The following NEMP2 variants were observed in gnomAD, a reference collection of about 807,000 sequenced individuals.
NEMP2 encodes the protein UPF0571 transmembrane protein.
NEMP2 carries 53 observed loss-of-function variants against 54.2 expected under a neutral mutation model. That is an observed-to-expected ratio of 0.98 (90% CI 0.78 to 1.23). The LOEUF (loss-of-function observed/expected upper bound fraction) is 1.23. NEMP2 is among the 50% of genes most tolerant of loss of function. NEMP2 has a pLI of 0.00. For synonymous variants in NEMP2, 197 were observed against 190.3 expected (o/e 1.04, Z -0.29); for missense variants, 455 against 511.3 (o/e 0.89, Z 1.06).
At chr2:190,592,318 G>A in the NEMP2 span, among the ~76,000 whole-genome samples, 10 of 152,240 alleles carry the variant, frequency 6.6e-5, no homozygotes, top group African/African-American at 2.4e-4. This position sits in a 1 kb window ranked among gnomAD's most constrained non-coding sequence, Gnocchi z 4.4. Context: ...ATGTATAGTA[G>A]TTCCATAAAT....
the NEMP2 span, among the ~76,000 whole-genome samples, chr2:190,596,860 T>G: frequency 2.0e-5 from 3 of 152,178 alleles, no homozygotes; most frequent in Non-Finnish European, 2.9e-5. This position sits in a 1 kb window ranked among gnomAD's most constrained non-coding sequence, Gnocchi z 5.1. Flanking sequence ...CATTTATACA[T>G]CCCAACATAC....
the NEMP2 span, chr2:190,443,059 G>T: frequency 1.3e-5 from 2 of 152,100 alleles, no homozygotes. This position sits in a 1 kb window ranked among gnomAD's most constrained non-coding sequence, Gnocchi z 4.2. Flanking sequence ...TGTCATTATG[G>T]TATTACCGTA....
chr2:190,639,089 A>G, the NEMP2 span, among the ~76,000 whole-genome samples: 2 of 152,190 alleles, frequency 1.3e-5, no homozygotes, highest in Non-Finnish European at 2.9e-5. Context: ...ATTAATAAGG[A>G]AAAGAGACTA....
At chr2:190,621,776 G>C in the NEMP2 span, among the ~76,000 whole-genome samples, 8 of 152,174 alleles carry the variant, frequency 5.3e-5, no homozygotes, top group African/African-American at 1.9e-4. Context: ...AAGGGAACCT[G>C]TCAAGACAAT....
chr2:190,479,326 A>G, the NEMP2 span, among the ~76,000 whole-genome samples: 1 of 152,218 alleles, frequency 6.6e-6, no homozygotes, highest in East Asian at 1.9e-4. Flanking sequence ...GCAACTGGTA[A>G]TACCATATAA....
chr2:190,452,926 A>G, the NEMP2 span, among the ~76,000 whole-genome samples: 1 of 152,224 alleles, frequency 6.6e-6, no homozygotes, highest in African/African-American at 2.4e-5. Flanking sequence ...TTTAGGAAGA[A>G]TTAATTCACA....
chr2:190,582,750 T>C, the NEMP2 span, among the ~76,000 whole-genome samples: 2 of 152,180 alleles, frequency 1.3e-5, no homozygotes, highest in Non-Finnish European at 2.9e-5. This position sits in a 1 kb window ranked among gnomAD's most constrained non-coding sequence, Gnocchi z 4.6. Flanking sequence ...GTGATAGTCT[T>C]TAAGACTTTT....
the NEMP2 span, chr2:190,435,871 A>G: frequency 1.0e-6 from 1 of 958,766 alleles, no homozygotes; most frequent in African/African-American, 1.6e-5. Context: ...TCTCTCTTGC[A>G]ATTATTATTT....
At chr2:190,424,822 G>A in the NEMP2 span, among the ~76,000 whole-genome samples, 1 of 152,040 alleles carries the variant, frequency 6.6e-6, no homozygotes, top group African/African-American at 2.4e-5. The surrounding 1 kb of genome is among the most constrained non-coding windows in gnomAD (Gnocchi z 5.9). Flanking sequence ...AATACCACAC[G>A]GTCTTAATGC....
the NEMP2 span, among the ~76,000 whole-genome samples, chr2:190,563,680 C>T: frequency 6.6e-6 from 1 of 152,344 alleles, no homozygotes; most frequent in African/African-American, 2.4e-5. The surrounding 1 kb of genome is among the most constrained non-coding windows in gnomAD (Gnocchi z 4.3). Context: ...AAATATTTCA[C>T]TCACATTTTG....
chr2:190,470,455 C>G, the NEMP2 span, among the ~76,000 whole-genome samples: 1 of 152,228 alleles, frequency 6.6e-6, no homozygotes, highest in South Asian at 2.1e-4. Context: ...CTGAAGAGTG[C>G]TGAAAAAATG....
the NEMP2 span, among the ~76,000 whole-genome samples, chr2:190,483,111 C>G: frequency 2.6e-5 from 4 of 151,422 alleles, no homozygotes; most frequent in Admixed American, 6.6e-5. Flanking sequence ...CCAGGATGGT[C>G]TCGATCTCCT....
Position 190,507,811 on chromosome 2 carries a change from C to G in NEMP2, c.*1378G>C, listed in dbSNP as rs919788413. On this transcript the variant is annotated 3_prime_UTR_variant, in exon 9 of 9. Coordinates refer to ENST00000409150, the MANE Select transcript of NEMP2 (RefSeq NM_001142645.2). The surrounding 1 kb of genome is among the most constrained non-coding windows in gnomAD (Gnocchi z 4.4). ...TTTAGAAAAACTACTTAATTTGGCT[C>G]AGGAAAGCAGCAGTGCCAAAATTCT... 5.3e-5 allele frequency: 8 copies of G among 152,136 alleles called. No homozygotes were observed. The highest frequency in any genetic ancestry group is 1.2e-4 in the Non-Finnish European group (8 of 68,020). The allele number at this position is 152,136 out of a possible 1,614,324, so 9.4% of individuals were successfully genotyped here. A position where few individuals can be genotyped will look rare whatever the true frequency, so the allele number is the denominator to read the frequency against.
At chr2:190,571,094 T>A in the NEMP2 span, among the ~76,000 whole-genome samples, 4 of 152,210 alleles carry the variant, frequency 2.6e-5, no homozygotes, top group Non-Finnish European at 5.9e-5. Flanking sequence ...GAAAGTTGCT[T>A]GAATGCTCTG....
the NEMP2 span, among the ~76,000 whole-genome samples, chr2:190,559,726 C>G: frequency 2.0e-5 from 3 of 152,090 alleles, no homozygotes; most frequent in African/African-American, 7.2e-5. This position sits in a 1 kb window ranked among gnomAD's most constrained non-coding sequence, Gnocchi z 4.0. Context: ...TTTAGGCATG[C>G]AGTTGTGAGG....
At chr2:190,463,700 G>C in the NEMP2 span, 1 of 168,308 alleles carries the variant, frequency 5.9e-6, no homozygotes, top group Non-Finnish European at 1.2e-5. This position sits in a 1 kb window ranked among gnomAD's most constrained non-coding sequence, Gnocchi z 4.4. Context: ...CACACCTGTA[G>C]TCCCAGCTAC....
chr2:190,557,856 C>T, the NEMP2 span, among the ~76,000 whole-genome samples: 15 of 152,156 alleles, frequency 9.9e-5, no homozygotes, highest in African/African-American at 1.7e-4. Flanking sequence ...GAAATAGGAA[C>T]GCTTTTACAC....
the NEMP2 span, among the ~76,000 whole-genome samples, chr2:190,641,906 G>A: frequency 1.1e-4 from 16 of 152,318 alleles, no homozygotes; most frequent in Admixed American, 4.6e-4. Flanking sequence ...AAAATTTCCC[G>A]AAATTCTCTT....
In NEMP2 at chr2:190,527,293, T is replaced by G. The variant is rs367635738; in HGVS notation, c.98-1915A>C. Reference sequence around the variant, plus strand: ...ACAATCACATCCATGTAGGGAATAATACTGAATATGCTCACACAAGGCCCT... The same window carrying G: ...ACAATCACATCCATGTAGGGAATAAGACTGAATATGCTCACACAAGGCCCT... On this transcript the variant is annotated intron_variant, in intron 1 of 8. Coordinates refer to ENST00000409150, the MANE Select transcript of NEMP2 (RefSeq NM_001142645.2). The surrounding 1 kb of genome is among the most constrained non-coding windows in gnomAD (Gnocchi z 4.0). Among the ~76,000 whole-genome samples the G allele has an allele frequency of 4.0e-4, 61 of 152,310 alleles. No homozygotes were observed. The highest frequency in any genetic ancestry group is 1.0e-3 in the South Asian group (5 of 4,826).
Sources: allele counts gnomAD v4.1 joint callset (sites outside exome capture counted in the v4.1 genomes callset), GRCh38; gene constraint gnomAD v4.1.1; non-coding constraint Gnocchi (gnomAD v3.1); transcripts MANE v1.5; gene names NCBI Gene and HGNC (gene_info 2026-07-23, HGNC 2026-07-21).